The following UNC79 variants were observed in gnomAD, a reference collection of about 807,000 sequenced individuals.
UNC79 encodes the protein unc-79 subunit of NALCN channel complex.
UNC79 carries 37 observed loss-of-function variants against 283.1 expected under a neutral mutation model. The ratio of observed to expected loss-of-function variants is 0.13; its 90% CI spans 0.10 to 0.17. The LOEUF (loss-of-function observed/expected upper bound fraction) is 0.17, where lower values mean the gene tolerates loss of function less well. Ranked by LOEUF, UNC79 falls within the 10% of genes least tolerant of loss-of-function variation. The probability of loss-of-function intolerance (pLI) is 1.00; values close to 1 mark genes in which losing one functional copy is unlikely to be tolerated. For synonymous variants in UNC79, 1,107 were observed against 1,200.2 expected, an observed-to-expected ratio of 0.92 and a Z score of 1.61; for missense variants, 2,272 against 3,211.1, an observed-to-expected ratio of 0.71 and a Z score of 7.07.
intron 1 of UNC79, among the ~76,000 whole-genome samples, chr14:93,375,239 G>A (rs373288510): frequency 1.2e-4 from 19 of 152,142 alleles, no homozygotes; most frequent in East Asian, 1.2e-3. Flanking sequence ...AAAAATTAGC[G>A]GGTCATGGTG....
At chr14:93,561,427 G>T (rs1190455019) in intron 14 of UNC79, among the ~76,000 whole-genome samples, 1 of 152,154 alleles carries the variant, frequency 6.6e-6, no homozygotes, top group Admixed American at 6.5e-5. Flanking sequence ...CTTCAGGAGG[G>T]TAAAGGTGAG....
chr14:93,612,033 A>C (rs2139749856), intron 26 of UNC79, among the ~76,000 whole-genome samples: 1 of 152,312 alleles, frequency 6.6e-6, no homozygotes, highest in South Asian at 2.1e-4. Flanking sequence ...AGCTGCTCAG[A>C]TGCTGTTATT....
intron 7 of UNC79, among the ~76,000 whole-genome samples, chr14:93,497,754 A>G (rs933337712): frequency 3.3e-5 from 5 of 151,892 alleles, no homozygotes; most frequent in Admixed American, 6.6e-5. Context: ...TTGGGAGGCC[A>G]AGGCGGGCAG....
Position 93,690,276 on chromosome 14 carries a change from C to A in UNC79, c.7245C>A (p.Ile2415=), listed in dbSNP as rs143380002. Residue 2415 remains isoleucine (I), a synonymous_variant, in exon 45 of 49, where the codon ATC becomes ATA. Transcript: ENST00000555664. This position sits in a 1 kb window ranked among gnomAD's most constrained non-coding sequence, Gnocchi z 4.3. ...ACGTTGCAGACCATCTTATTGTTATCCTGATTGGATTTCCAGAGCAATCAA... is the reference window on the plus strand; with the variant it reads ...ACGTTGCAGACCATCTTATTGTTATACTGATTGGATTTCCAGAGCAATCAA... 2.8e-4 allele frequency: 455 copies of A among 1,613,926 alleles called. No individual in the cohort carries two copies. The highest frequency in any genetic ancestry group is 1.7e-4 in the Non-Finnish European group (198 of 1,179,974).
chr14:93,493,901 A>ATATATATATT lies in UNC79; in HGVS notation c.713-2509_713-2508insATATATATTT, dbSNP rs1251701550. ...TATATATATATATATATATATATATATTTTTTTTTTTTTTTTTTTGAGATA... is the reference window on the plus strand; with the variant it reads ...TATATATATATATATATATATATATATATATATATTTTTTTTTTTTTTTTTTTTTGAGATA... On this transcript the variant is annotated intron_variant, in intron 5 of 48. Transcript: ENST00000555664. Among the ~76,000 whole-genome samples, 12 of 49,252 alleles carry ATATATATATT rather than the reference A, an allele frequency of 2.4e-4. No homozygotes were observed. The East Asian group carries it at 7.5e-3, about 31-fold the overall frequency. The allele number at this position is 49,252 out of a possible 152,430, so 32.3% of individuals were successfully genotyped here.
chr14:93,535,743 A>G (rs976411815), intron 11 of UNC79, among the ~76,000 whole-genome samples: 1 of 152,224 alleles, frequency 6.6e-6, no homozygotes, highest in African/African-American at 2.4e-5. Flanking sequence ...GCATCCTGGC[A>G]GAGATCTGGG....
At chr14:93,486,277 A>C (rs555006156) in intron 4 of UNC79, among the ~76,000 whole-genome samples, 2 of 152,268 alleles carry the variant, frequency 1.3e-5, no homozygotes, top group Non-Finnish European at 2.9e-5. Flanking sequence ...TTTCCCTGAG[A>C]AAAAGAGGAA....
At chr14:93,700,770 A>AT (rs2075469491) in intron 47 of UNC79, among the ~76,000 whole-genome samples, 1 of 152,186 alleles carries the variant, frequency 6.6e-6, no homozygotes, top group Non-Finnish European at 1.5e-5. Context: ...CTGCTGCTGT[A>AT]TACCACTATC....
At position 93,545,269 on chromosome 14, in the gene UNC79, A is replaced by G. The variant is rs915630546; in HGVS notation, c.1755+2573A>G. 3.3e-5 allele frequency among the ~76,000 whole-genome samples: 5 copies of G among 152,200 alleles called. No homozygotes were observed. The South Asian group carries it at 1.0e-3, about 32-fold the overall frequency. ...TTTGACCAAAAATAATCAAAGTAAGATTACTTTTGGTTACAAAATTAGTCT... is the reference window on the plus strand; with the variant it reads ...TTTGACCAAAAATAATCAAAGTAAGGTTACTTTTGGTTACAAAATTAGTCT... On this transcript the variant is annotated intron_variant, in intron 14 of 48. Coordinates refer to ENST00000555664, the Ensembl canonical transcript of UNC79.
At chr14:93,492,317 G>A (rs547292577) in intron 5 of UNC79, among the ~76,000 whole-genome samples, 56 of 151,074 alleles carry the variant, frequency 3.7e-4, no homozygotes, top group African/African-American at 8.9e-4. Flanking sequence ...AAGATTTTGC[G>A]TCACTTGGGC....
chr14:93,602,139 G>T (rs140903137), intron 25 of UNC79, among the ~76,000 whole-genome samples: 24 of 152,148 alleles, frequency 1.6e-4, no homozygotes, highest in Admixed American at 4.6e-4. Flanking sequence ...TGTTTTTGTT[G>T]CATTTGCTTT....
At chr14:93,558,480 C>T (rs1244336242) in intron 14 of UNC79, among the ~76,000 whole-genome samples, 1 of 151,662 alleles carries the variant, frequency 6.6e-6, no homozygotes, top group Non-Finnish European at 1.5e-5. Context: ...GGCGTGAACC[C>T]CGGAGGCGGA....
intron 7 of UNC79, among the ~76,000 whole-genome samples, chr14:93,501,200 C>T (rs8013981): frequency 0.014 from 2,078 of 152,202 alleles, 57 homozygotes; most frequent in African/African-American, 0.048. Context: ...TGGTGCACGC[C>T]TGTGATCCCA....
intron 1 of UNC79, among the ~76,000 whole-genome samples, chr14:93,360,571 A>G (rs757323622): frequency 2.6e-5 from 4 of 152,358 alleles, no homozygotes; most frequent in African/African-American, 4.8e-5. Flanking sequence ...ATTCCTGTCC[A>G]TGAGGCCCAC....
At chr14:93,412,749 G>A (rs114381021) in intron 1 of UNC79, among the ~76,000 whole-genome samples, 1,938 of 151,986 alleles carry the variant, frequency 0.013, 45 homozygotes, top group African/African-American at 0.045. Flanking sequence ...TATTTAAAGG[G>A]CTGAAGGAAA....
chr14:93,569,093 A>G (rs1020881181), intron 14 of UNC79, among the ~76,000 whole-genome samples: 8 of 152,232 alleles, frequency 5.3e-5, no homozygotes, highest in African/African-American at 1.9e-4. Flanking sequence ...AGGAGCCTCA[A>G]TTCTGGGGTC....
intron 7 of UNC79, among the ~76,000 whole-genome samples, chr14:93,497,661 T>G (rs2059075376): frequency 6.6e-6 from 1 of 152,146 alleles, no homozygotes; most frequent in Non-Finnish European, 1.5e-5. Context: ...TTGCAGCACT[T>G]TCAATATCAC....
intron 1 of UNC79, among the ~76,000 whole-genome samples, chr14:93,363,222 C>T (rs1487101127): frequency 1.3e-5 from 2 of 152,026 alleles, no homozygotes; most frequent in East Asian, 3.9e-4. Context: ...CATTGTTTAC[C>T]CAAAAGTCAT....
At chr14:93,599,015 A>T (rs1273335159) in intron 24 of UNC79, among the ~76,000 whole-genome samples, 2 of 152,242 alleles carry the variant, frequency 1.3e-5, no homozygotes, top group African/African-American at 2.4e-5. Context: ...ATCAAAGGAC[A>T]CAAAGTGATT....
Sources: gnomAD v4.1 joint callset for allele counts (sites outside exome capture counted in the v4.1 genomes callset) on GRCh38, gnomAD v4.1.1 for gene constraint, Gnocchi (gnomAD v3.1) non-coding constraint, MANE v1.5 for transcripts, NCBI Gene and HGNC (gene_info 2026-07-23, HGNC 2026-07-21) for gene names.